Variants in MKRN1 observed in about 807,000 individuals in gnomAD.
The protein encoded by MKRN1 is E3 ubiquitin-protein ligase makorin-1.
MKRN1 carries 9 observed loss-of-function variants against 55.5 expected under a neutral mutation model. The ratio of observed to expected loss-of-function variants is 0.16; its 90% confidence interval spans 0.10 to 0.28. The LOEUF (loss-of-function observed/expected upper bound fraction) is 0.28. MKRN1 is among the 10% of genes least tolerant of loss of function. The pLI is 1.00. For missense variants in MKRN1, 488 were observed against 626.7 expected (o/e 0.78, Z 2.36); for synonymous variants, 253 against 235.9 (o/e 1.07, Z -0.66).
chr7:140,464,782 C>G (rs531319074), intron 2 of MKRN1, among the ~76,000 whole-genome samples: 13 of 151,874 alleles, frequency 8.6e-5, no homozygotes, highest in Non-Finnish European at 1.3e-4. Flanking sequence ...GTTATTTTTA[C>G]AAGCTTTATA....
In MKRN1 at chr7:140,459,066, T is replaced by C. The variant is rs769326339; in HGVS notation, c.712A>G (p.Met238Val). The C allele has an allele frequency of 5.0e-6, 8 of 1,613,800 alleles. No homozygotes were observed. The highest frequency in any genetic ancestry group is 1.3e-5 in the African/African-American group (1 of 74,906). Residue 238 changes from methionine (M) to valine (V), a missense_variant, in exon 4 of 8, where the codon ATG becomes GTG. Around this residue, in one of 2 missense-constraint regions of MKRN1, gnomAD observed 278 missense variants for 406.7 expected, o/e 0.68. Transcript: ENST00000255977. Reference sequence around the variant, plus strand: ...GGATGCAGGACCTGCAGCCCACACATGTCACAAGAATCTCCGTGGAGATAC... The same window carrying C: ...GGATGCAGGACCTGCAGCCCACACACGTCACAAGAATCTCCGTGGAGATAC... ...CVYLHGDSCDMCGLQVLHPMD... is the reference protein window; with the variant it reads ...CVYLHGDSCDVCGLQVLHPMD...
At chr7:140,472,458 A>G (rs58647694) in intron 1 of MKRN1, 25,250 of 159,124 alleles carry the variant, frequency 0.16, 2,359 homozygotes, top group African/African-American at 0.27. Flanking sequence ...AAAGAAGGTG[A>G]TAAGAAAACA....
At chr7:140,456,223 T>G in intron 5 of MKRN1, 1 of 1,155,488 alleles carries the variant, frequency 8.7e-7, no homozygotes, top group Non-Finnish European at 1.1e-6. Context: ...TCTTGTAGCT[T>G]TGCTCTGTTT....
chr7:140,471,144 G>A (rs1794911289), intron 2 of MKRN1, among the ~76,000 whole-genome samples: 1 of 152,104 alleles, frequency 6.6e-6, no homozygotes, highest in South Asian at 2.1e-4. Flanking sequence ...ACACTTTTCG[G>A]AGGCCAAGGC....
intron 2 of MKRN1, among the ~76,000 whole-genome samples, chr7:140,467,461 A>T (rs898247389): frequency 6.6e-6 from 1 of 151,874 alleles, no homozygotes; most frequent in Non-Finnish European, 1.5e-5. Flanking sequence ...TATTTTCAGT[A>T]GAGACGAGGT....
intron 2 of MKRN1, among the ~76,000 whole-genome samples, chr7:140,469,759 A>C (rs1794869302): frequency 6.6e-6 from 1 of 152,006 alleles, no homozygotes. Flanking sequence ...CTAAAAATAC[A>C]AAAGTTAGTG....
intron 1 of MKRN1, 130 bp downstream of exon 1, chr7:140,479,030 A>C: frequency 8.9e-7 from 1 of 1,128,572 alleles, no homozygotes. Context: ...GGCTGCAGAG[A>C]TCGAGACAAC....
intron 1 of MKRN1, chr7:140,474,487 C>G (rs773115826): frequency 3.6e-6 from 1 of 280,050 alleles, no homozygotes; most frequent in Non-Finnish European, 7.0e-6. Flanking sequence ...ACTGAGACTC[C>G]GTCTCAAAAA....
In MKRN1 at chr7:140,462,153, G is replaced by C. The variant is rs186938029; in HGVS notation, c.315-2217C>G. 6.8e-4 allele frequency among the ~76,000 whole-genome samples: 104 copies of C among 152,064 alleles called. 1 individual carries two copies. The highest frequency in any genetic ancestry group is 2.4e-3 in the African/African-American group (99 of 41,546). ...AGCAATCCGTCTGCCTTAGCCTCCT[G>C]AGTAGCTGGGACGACAGGTGTGTGC... On this transcript the variant is annotated intron_variant, in intron 2 of 7. Transcript: ENST00000255977.
At chr7:140,460,722 G>T (rs1202529690) in intron 2 of MKRN1, among the ~76,000 whole-genome samples, 1 of 152,174 alleles carries the variant, frequency 6.6e-6, no homozygotes, top group Non-Finnish European at 1.5e-5. Context: ...CAAGACTGCT[G>T]GTCCAGAGAC....
intron 3 of MKRN1, 62 bp downstream of exon 3, chr7:140,459,645 A>T: frequency 6.7e-7 from 1 of 1,503,600 alleles, no homozygotes; most frequent in South Asian, 1.1e-5. Context: ...TGTCAAAACT[A>T]AGCAAATGGA....
rs1383533875 is a variant in MKRN1 at position 140,454,334 on chromosome 7, G to A, written c.*183C>T. 4 of 615,324 alleles carry A rather than the reference G, an allele frequency of 6.5e-6. No homozygotes were observed. The highest frequency in any genetic ancestry group is 2.0e-5 in the South Asian group (1 of 49,082). The allele number at this position is 615,324 out of a possible 1,614,324, so 38.1% of individuals were successfully genotyped here. A position where few individuals can be genotyped will look rare whatever the true frequency, so the allele number is the denominator to read the frequency against. On this transcript the variant is annotated 3_prime_UTR_variant, in exon 8 of 8. Coordinates refer to ENST00000255977, the MANE Select transcript of MKRN1 (RefSeq NM_013446.4). ...TATTTTTGTAACTTTTTTCAACAGG[G>A]AAAACAACACACTCCTCAGGGAAAG...
chr7:140,468,587 G>C (rs1293895724), intron 2 of MKRN1, among the ~76,000 whole-genome samples: 1 of 151,236 alleles, frequency 6.6e-6, no homozygotes, highest in African/African-American at 2.4e-5. Context: ...TGTAATCCCA[G>C]CTACTCCGGA....
At chr7:140,457,670 C>T (rs1310611724) in intron 4 of MKRN1, among the ~76,000 whole-genome samples, 2 of 151,820 alleles carry the variant, frequency 1.3e-5, no homozygotes, top group African/African-American at 4.8e-5. Context: ...TACACTCCAG[C>T]CTGGGGGACA....
At chr7:140,471,661 G>C (rs554904921) in intron 2 of MKRN1, among the ~76,000 whole-genome samples, 1 of 152,160 alleles carries the variant, frequency 6.6e-6, no homozygotes, top group South Asian at 2.1e-4. Context: ...GTAGACATGA[G>C]GTCTCACTAG....
intron 1 of MKRN1, among the ~76,000 whole-genome samples, chr7:140,476,499 A>C (rs1253614350): frequency 6.8e-6 from 1 of 146,842 alleles, no homozygotes; most frequent in Non-Finnish European, 1.5e-5. Context: ...AGGAAGATAC[A>C]CATGTGTTCT....
chr7:140,477,794 A>T (rs1019104855), intron 1 of MKRN1, among the ~76,000 whole-genome samples: 2 of 152,240 alleles, frequency 1.3e-5, no homozygotes, highest in Non-Finnish European at 2.9e-5. Context: ...CTTTTAAAAG[A>T]TGTAACTAGC....
intron 2 of MKRN1, among the ~76,000 whole-genome samples, chr7:140,466,979 CTTTT>C (rs371673846): frequency 8.4e-5 from 12 of 142,430 alleles, no homozygotes; most frequent in Middle Eastern, 3.6e-3. Flanking sequence ...TCAACTTTTT[CTTTT>C]TTTTTTTTTT....
rs1187723702 is a variant in MKRN1, at chr7:140,454,505, C to G, written c.*12G>C. 2 of 1,608,608 alleles carry G rather than the reference C, an allele frequency of 1.2e-6. No individual in the cohort carries two copies. Among genetic ancestry groups the G allele is most frequent in the Admixed American group, 1.7e-5 (1 of 59,460 alleles). On this transcript the variant is annotated 3_prime_UTR_variant, in exon 8 of 8. Coordinates refer to ENST00000255977, the MANE Select transcript of MKRN1 (RefSeq NM_013446.4). ...GAGGTCAGCAGACCAGTTCACACGC[C>G]ACGCAAGGTTGCTATAGATCCAAGT...
Sources: gnomAD v4.1 joint callset for allele counts (sites outside exome capture counted in the v4.1 genomes callset) on GRCh38, gnomAD v4.1.1 for gene constraint, gnomAD v4.1.1 regional missense constraint, MANE v1.5 for transcripts, NCBI Gene and HGNC (gene_info 2026-07-23, HGNC 2026-07-21) for gene names.